BCAS1: variants seen among roughly 807,000 people sequenced by gnomAD.
The protein encoded by BCAS1 is breast carcinoma-amplified sequence 1.
In BCAS1, 46 loss-of-function variants were observed where a neutral mutation model predicts 65.4. The ratio of observed to expected loss-of-function variants is 0.70; its 90% CI spans 0.55 to 0.90. The LOEUF is 0.90. BCAS1 is among the 40% of genes least tolerant of loss of function. The pLI is 0.00. For synonymous variants in BCAS1, 298 were observed against 293.5 expected (o/e 1.02, Z -0.16); for missense variants, 793 against 771.2 (o/e 1.03, Z -0.33).
chr20:53,959,664 C>A (rs1301728940), intron 10 of BCAS1, among the ~76,000 whole-genome samples: 2 of 152,200 alleles, frequency 1.3e-5, no homozygotes, highest in African/African-American at 2.4e-5. Context: ...TCCCAAAGCA[C>A]TGGGATTACA....
intron 3 of BCAS1, among the ~76,000 whole-genome samples, chr20:54,029,649 G>GC (rs2091758686): frequency 6.6e-6 from 1 of 152,184 alleles, no homozygotes. Context: ...TCGTAATTTT[G>GC]TTAGGAAGAT....
Position 53,987,264 on chromosome 20 carries a change from A to G in BCAS1, c.1063-1765T>C, listed in dbSNP as rs752354287. Among the ~76,000 whole-genome samples the G allele has an allele frequency of 4.7e-4, 72 of 152,272 alleles. 1 individual carries two copies. Among genetic ancestry groups the G allele is most frequent in the Non-Finnish European group, 1.0e-4 (7 of 68,050 alleles). On this transcript the variant is annotated intron_variant, in intron 7 of 12. Transcript: ENST00000688948. ...GACGTCTGGAAATGAATTTTGTGAT[A>G]GTTGATACTGGAATAGCTCCAGTTC...
intron 9 of BCAS1, among the ~76,000 whole-genome samples, chr20:53,967,774 C>T (rs2090073973): frequency 6.6e-6 from 1 of 152,194 alleles, no homozygotes; most frequent in Non-Finnish European, 1.5e-5. Context: ...ATGGAAGGGC[C>T]CATCTACCAC....
At chr20:54,004,326 C>T (rs576470489) in intron 4 of BCAS1, among the ~76,000 whole-genome samples, 2 of 152,304 alleles carry the variant, frequency 1.3e-5, no homozygotes, top group South Asian at 4.1e-4. Flanking sequence ...AGACTTATAG[C>T]CTCCAAAACT....
intron 4 of BCAS1, among the ~76,000 whole-genome samples, chr20:54,022,700 G>T (rs572347332): frequency 2.0e-5 from 3 of 152,150 alleles, no homozygotes; most frequent in South Asian, 4.1e-4. Context: ...ACCTTGTTGG[G>T]TTTTTTTAAC....
At chr20:53,985,640 A>T (rs963546465) in intron 7 of BCAS1, 141 bp from the exon 8 acceptor site, 3 of 734,510 alleles carry the variant, frequency 4.1e-6, no homozygotes, top group Non-Finnish European at 6.3e-6. Context: ...TATTTTAAAA[A>T]TTTTTACTGT....
At position 54,051,715 on chromosome 20, in the gene BCAS1, T is replaced by G. The variant is rs532265397; in HGVS notation, c.142+6370A>C. ...TGTGAGCTGCTTTTGACTATGCTGG[T>G]TTTTTTTTTGTTTGTTGTTGTTGTT... On this transcript the variant is annotated intron_variant, in intron 3 of 12. Transcript: ENST00000688948. 3.1e-3 allele frequency among the ~76,000 whole-genome samples: 400 copies of G among 127,114 alleles called. 2 individuals are homozygous for G. Among genetic ancestry groups the G allele is most frequent in the African/African-American group, 0.013 (389 of 30,694 alleles). 83.4% of individuals were successfully genotyped at this position (127,114 alleles called of 152,430 possible).
intron 8 of BCAS1, among the ~76,000 whole-genome samples, chr20:53,982,925 C>G (rs990174217): frequency 6.6e-6 from 1 of 152,034 alleles, no homozygotes; most frequent in African/African-American, 2.4e-5. Flanking sequence ...GACGAAGAGC[C>G]TTTTCTTCTG....
At chr20:53,996,166 C>T in intron 4 of BCAS1, 116 bp from the exon 5 acceptor site, 5 of 1,077,530 alleles carry the variant, frequency 4.6e-6, no homozygotes, top group East Asian at 2.4e-5. Context: ...ACTTCTTCTG[C>T]CCACAGGCGT....
At position 53,981,466 on chromosome 20, in the gene BCAS1, A is replaced by G. The variant is rs868663291; in HGVS notation, c.1275+3821T>C. Reference sequence around the variant, plus strand: ...AGCATTTGTTACCTGTACTCCACAGAGTAATACTAAATTGCAAATTTCGTT... The same window carrying G: ...AGCATTTGTTACCTGTACTCCACAGGGTAATACTAAATTGCAAATTTCGTT... On this transcript the variant is annotated intron_variant, in intron 8 of 12. Transcript: ENST00000688948. 7.2e-5 allele frequency among the ~76,000 whole-genome samples: 11 copies of G among 152,230 alleles called. No homozygotes were observed. In the South Asian group the frequency reaches 8.3e-4, roughly 11 times the overall value.
At position 54,065,142 on chromosome 20, in the gene BCAS1, A is replaced by ATCTATCTC. The variant is rs1555884222; in HGVS notation, c.-6+5290_-6+5291insGAGATAGA. Among the ~76,000 whole-genome samples the ATCTATCTC allele has an allele frequency of 4.3e-5, 6 of 140,532 alleles. No homozygotes were observed. The East Asian group carries it at 1.5e-3, about 34-fold the overall frequency. 92.2% of individuals were successfully genotyped at this position (140,532 alleles called of 152,430 possible). On this transcript the variant is annotated intron_variant, in intron 1 of 12. Coordinates refer to ENST00000688948, the MANE Select transcript of BCAS1 (RefSeq NM_001366298.2). ...TATCTATCTATCTATCTATCTATCT[A>ATCTATCTC]TCTATCTATCTATCTATCTATCATC...
At chr20:54,034,090 T>A (rs1223398401) in intron 3 of BCAS1, among the ~76,000 whole-genome samples, 1 of 151,442 alleles carries the variant, frequency 6.6e-6, no homozygotes, top group Non-Finnish European at 1.5e-5. Context: ...CATCCATTTA[T>A]GTTAAAAACT....
In BCAS1 at chr20:53,953,611, T is replaced by C; in HGVS notation, c.1636A>G (p.Lys546Glu). Reference sequence around the variant, plus strand: ...ATCTCGGCTGCTGACTTCTTGTCCTTCGAGGAGCCCTCTTTACCCTTCTGT... The same window carrying C: ...ATCTCGGCTGCTGACTTCTTGTCCTCCGAGGAGCCCTCTTTACCCTTCTGT... ...APQKGKEGSS[K>E]DKKSAAEMNK... is the part of the protein sequence containing the mutation. The change falls in exon 12 of 13, where the codon AAG becomes GAG. Residue 546 changes from lysine to glutamate, a missense_variant. Transcript: ENST00000688948. 1 of 1,613,934 alleles carries C rather than the reference T, an allele frequency of 6.2e-7. No individual in the cohort carries two copies. The highest frequency in any genetic ancestry group is 8.5e-7 in the Non-Finnish European group (1 of 1,180,002).
At chr20:54,024,496 C>T (rs1333784338) in intron 4 of BCAS1, among the ~76,000 whole-genome samples, 3 of 152,198 alleles carry the variant, frequency 2.0e-5, no homozygotes, top group African/African-American at 4.8e-5. Flanking sequence ...AGCTGAGACT[C>T]ACGTCTGGAC....
In BCAS1 at chr20:53,973,581, T is replaced by C. The variant is rs1301689892; in HGVS notation, c.1317+1808A>G. Among the ~76,000 whole-genome samples the C allele has an allele frequency of 2.0e-5, 3 of 152,186 alleles. 1 individual carries two copies. The highest frequency in any genetic ancestry group is 4.4e-5 in the Non-Finnish European group (3 of 68,030). On this transcript the variant is annotated intron_variant, in intron 9 of 12. Coordinates refer to ENST00000688948, the MANE Select transcript of BCAS1 (RefSeq NM_001366298.2). ...CAACTACACACAAACATCCAAAAAG[T>C]TTTTCTTTAGAAAACTCAGAACCTC...
At chr20:54,013,484 T>A (rs1189185257) in intron 4 of BCAS1, among the ~76,000 whole-genome samples, 5 of 152,234 alleles carry the variant, frequency 3.3e-5, no homozygotes, top group Non-Finnish European at 7.3e-5. Context: ...GCATTGCTGT[T>A]ACAAGTATAA....
intron 4 of BCAS1, among the ~76,000 whole-genome samples, chr20:54,018,315 T>C (rs1418209149): frequency 2.0e-5 from 3 of 152,218 alleles, no homozygotes; most frequent in African/African-American, 7.2e-5. Flanking sequence ...AAGTACACTG[T>C]TCTACCTGCT....
chr20:53,959,185 T>C (rs978322067), intron 10 of BCAS1, among the ~76,000 whole-genome samples: 22 of 151,978 alleles, frequency 1.4e-4, no homozygotes, highest in Non-Finnish European at 2.6e-4. Context: ...TCAACCTCCA[T>C]GGTCAAGCAA....
rs943883120 is a variant in BCAS1, at chr20:53,944,971, T to C, written c.1841A>G (p.Gln614Arg). 2 of 1,613,982 alleles carry C rather than the reference T, an allele frequency of 1.2e-6. No homozygotes were observed. The highest frequency in any genetic ancestry group is 3.3e-5 in the Admixed American group (2 of 59,988). ...GATGGATACTGGGTCTGTTTGCACT[T>C]GAGCATCCAACATCCGCTTTGGTCC... ...GLGPKRMLDA[Q>R]VQTDPVSIGP... The change falls in exon 13 of 13, where the codon CAA becomes CGA. Residue 614 changes from glutamine (Q) to arginine (R), a missense_variant. Transcript: ENST00000688948.
Sources: gnomAD v4.1 joint callset for allele counts (sites outside exome capture counted in the v4.1 genomes callset) on GRCh38, gnomAD v4.1.1 for gene constraint, MANE v1.5 for transcripts, NCBI Gene and HGNC (gene_info 2026-07-23, HGNC 2026-07-21) for gene names.